The following BRD10 variants were observed in gnomAD, a reference collection of about 807,000 sequenced individuals.
BRD10 encodes uncharacterized bromodomain-containing protein 10.
chr9:6,007,943 C>A, the BRD10 span: 1 of 1,328,302 alleles, frequency 7.5e-7, no homozygotes, highest in Non-Finnish European at 9.6e-7. Flanking sequence ...TCGGTGCGCG[C>A]GGGGGTCTTG....
At chr9:5,908,705 T>C in the BRD10 span, 15 of 1,613,698 alleles carry the variant, frequency 9.3e-6, no homozygotes, top group Non-Finnish European at 1.2e-5. Flanking sequence ...CTTATTCACC[T>C]TAAGAGCCAG....
At chr9:5,990,620 G>C in the BRD10 span, among the ~76,000 whole-genome samples, 440 of 152,240 alleles carry the variant, frequency 2.9e-3, 3 homozygotes, top group African/African-American at 0.01. Context: ...TTACTCATCA[G>C]AAATTAAAAT....
chr9:5,994,329 T>C, the BRD10 span, among the ~76,000 whole-genome samples: 870 of 152,346 alleles, frequency 5.7e-3, 9 homozygotes, highest in African/African-American at 0.02. Flanking sequence ...AAATGTTTGC[T>C]GCTTGAGAAG....
chr9:5,912,903 A>G, the BRD10 span, among the ~76,000 whole-genome samples: 2 of 152,200 alleles, frequency 1.3e-5, no homozygotes, highest in Admixed American at 6.5e-5. Context: ...CCACTTGCCC[A>G]TATTCACTGT....
the BRD10 span, among the ~76,000 whole-genome samples, chr9:5,926,072 C>T: frequency 2.0e-5 from 3 of 152,070 alleles, no homozygotes; most frequent in Admixed American, 6.6e-5. Flanking sequence ...CACGCGCCAC[C>T]ACAACTGGCT....
At chr9:5,996,465 T>C in the BRD10 span, among the ~76,000 whole-genome samples, 2 of 152,092 alleles carry the variant, frequency 1.3e-5, no homozygotes, top group Admixed American at 6.6e-5. Flanking sequence ...ATTACAAGCA[T>C]ATGCCACTAT....
chr9:5,991,764 A>T, the BRD10 span, among the ~76,000 whole-genome samples: 5 of 150,308 alleles, frequency 3.3e-5, no homozygotes, highest in Non-Finnish European at 7.4e-5. Flanking sequence ...AGATGCCACT[A>T]CCTTGCTCTG....
chr9:5,991,460 C>T, the BRD10 span, among the ~76,000 whole-genome samples: 7 of 152,188 alleles, frequency 4.6e-5, no homozygotes, highest in African/African-American at 1.4e-4. Flanking sequence ...CAGTCACTCA[C>T]GCCTGTAATC....
chr9:5,967,991 T>C, the BRD10 span: 1 of 1,321,780 alleles, frequency 7.6e-7, no homozygotes, highest in Admixed American at 2.7e-5. Flanking sequence ...TACTTAAATA[T>C]AACTCCCATC....
chr9:5,893,705 GT>G, the BRD10 span, among the ~76,000 whole-genome samples: 2 of 152,154 alleles, frequency 1.3e-5, no homozygotes, highest in African/African-American at 4.8e-5. Context: ...TATGTCTCGT[GT>G]AAAAATTCAA....
chr9:5,987,652 T>C, the BRD10 span, among the ~76,000 whole-genome samples: 1 of 152,234 alleles, frequency 6.6e-6, no homozygotes, highest in Non-Finnish European at 1.5e-5. Flanking sequence ...AACAAAATAT[T>C]ATAAATTGCC....
At chr9:5,989,031 G>A in the BRD10 span, among the ~76,000 whole-genome samples, 2 of 152,066 alleles carry the variant, frequency 1.3e-5, no homozygotes, top group African/African-American at 4.8e-5. Context: ...AGGAGTTTGA[G>A]ACCAGCCTGA....
At chr9:5,958,651 GA>G in the BRD10 span, among the ~76,000 whole-genome samples, 25 of 151,096 alleles carry the variant, frequency 1.7e-4, no homozygotes, top group East Asian at 4.1e-3. Flanking sequence ...AAAAAGAACA[GA>G]AAAAAAAAGG....
At chr9:6,008,461 G>C in the BRD10 span, among the ~76,000 whole-genome samples, 3 of 151,476 alleles carry the variant, frequency 2.0e-5, no homozygotes, top group Admixed American at 6.6e-5. Flanking sequence ...AGGCCCTGTC[G>C]CCATCCCCGG....
the BRD10 span, among the ~76,000 whole-genome samples, chr9:5,985,351 G>A: frequency 6.6e-6 from 1 of 152,002 alleles, no homozygotes; most frequent in Non-Finnish European, 1.5e-5. Context: ...CCTTAGGTAG[G>A]TCCACAAAAA....
the BRD10 span, among the ~76,000 whole-genome samples, chr9:5,957,080 G>A: frequency 6.6e-6 from 1 of 152,104 alleles, no homozygotes; most frequent in Non-Finnish European, 1.5e-5. Context: ...ATTCACCAAA[G>A]AGTTTCAACA....
chr9:5,892,928 A>G, the BRD10 span, among the ~76,000 whole-genome samples: 1 of 152,218 alleles, frequency 6.6e-6, no homozygotes, highest in African/African-American at 2.4e-5. Flanking sequence ...CAGACAGAAT[A>G]AAAGTGAGTT....
chr9:5,883,459 C>CTT, the BRD10 span, among the ~76,000 whole-genome samples: 1 of 95,110 alleles, frequency 1.1e-5, no homozygotes, highest in African/African-American at 5.0e-5. Context: ...ATTCCTTCTT[C>CTT]TTCTTTTTTT....
chr9:5,974,803 G>A, the BRD10 span, among the ~76,000 whole-genome samples: 1 of 152,180 alleles, frequency 6.6e-6, no homozygotes, highest in Non-Finnish European at 1.5e-5. Flanking sequence ...CACTAACCAT[G>A]CTAGAAAACT....
Sources: allele counts gnomAD v4.1 joint callset (sites outside exome capture counted in the v4.1 genomes callset), GRCh38; gene constraint gnomAD v4.1.1; transcripts MANE v1.5; gene names NCBI Gene and HGNC (gene_info 2026-07-23, HGNC 2026-07-21).